KIRREL3: variants seen among roughly 807,000 people sequenced by gnomAD.
KIRREL3 encodes kin of IRRE-like protein 3.
Under a neutral mutation model 89.7 loss-of-function variants are expected in KIRREL3, and 36 were observed. That is an observed-to-expected ratio of 0.40 (90% confidence interval 0.31 to 0.53). KIRREL3 has a LOEUF of 0.53. Ranked by LOEUF, KIRREL3 falls within the 20% of genes least tolerant of loss-of-function variation. The pLI is 0.49. For synonymous variants in KIRREL3, 445 were observed against 441.4 expected (o/e 1.01, Z -0.10); for missense variants, 864 against 1,056.6 (o/e 0.82, Z 2.53).
In KIRREL3 at chr11:126,623,169, C is replaced by A. The variant is rs993422360; in HGVS notation, c.56-60257G>T. Among the ~76,000 whole-genome samples the A allele has an allele frequency of 6.6e-6, 1 of 152,162 alleles. No homozygotes were observed. The highest frequency in any genetic ancestry group is 1.5e-5 in the Non-Finnish European group (1 of 68,036). On this transcript the variant is annotated intron_variant, in intron 1 of 16. Transcript: ENST00000525144. The surrounding 1 kb of genome is among the most constrained non-coding windows in gnomAD (Gnocchi z 4.1). ...TCATCATTTGTCTAAGGTGACAGAG[C>A]CCAAACCCACTAACAGGACAGTTTT...
Position 126,676,755 on chromosome 11 carries a change from C to G in KIRREL3, c.56-113843G>C, listed in dbSNP as rs932938676. ...GCAACATGTGGTGTTGTTTTTACTA[C>G]TGCAACTTTTTATTTTTCTTTAGAG... On this transcript the variant is annotated intron_variant, in intron 1 of 16. Transcript: ENST00000525144. The surrounding 1 kb of genome is among the most constrained non-coding windows in gnomAD (Gnocchi z 4.5). Among the ~76,000 whole-genome samples, 2 of 151,896 alleles carry G rather than the reference C, an allele frequency of 1.3e-5. No homozygotes were observed. The highest frequency in any genetic ancestry group is 4.8e-5 in the African/African-American group (2 of 41,346).
Position 126,978,621 on chromosome 11 carries a change from C to T in KIRREL3, c.55+21834G>A, listed in dbSNP as rs992954363. 6.6e-6 allele frequency among the ~76,000 whole-genome samples: 1 copy of T among 152,102 alleles called. No individual in the cohort carries two copies. The highest frequency in any genetic ancestry group is 2.4e-5 in the African/African-American group (1 of 41,410). ...TGGGTCCCTGAGTGGTCTACGTTCT[C>T]CCATGCTTCCCAGGCTTTAGCACCT... On this transcript the variant is annotated intron_variant, in intron 1 of 16. Transcript: ENST00000525144. This position sits in a 1 kb window ranked among gnomAD's most constrained non-coding sequence, Gnocchi z 4.2.
rs572425886 is a variant in KIRREL3, at chr11:126,428,890, G to A, written c.1806+289C>T. Among the ~76,000 whole-genome samples, 10 of 152,240 alleles carry A rather than the reference G, an allele frequency of 6.6e-5. No individual in the cohort carries two copies. The highest frequency in any genetic ancestry group is 2.2e-4 in the African/African-American group (9 of 41,532). On this transcript the variant is annotated intron_variant, in intron 15 of 16. Transcript: ENST00000525144. The surrounding 1 kb of genome is among the most constrained non-coding windows in gnomAD (Gnocchi z 6.4). ...TCGAACTCCTAATCTCAAGTGATCC[G>A]CCCAACTCGGTCTCCCAAAGTGTTG...
rs1947473359 is a variant in KIRREL3 at position 126,705,074 on chromosome 11, G to A, written c.56-142162C>T. On this transcript the variant is annotated intron_variant, in intron 1 of 16. Coordinates refer to ENST00000525144, the MANE Select transcript of KIRREL3 (RefSeq NM_032531.4). This position sits in a 1 kb window ranked among gnomAD's most constrained non-coding sequence, Gnocchi z 4.3. ...TAGCTTTTTATGGCTCAAGACATAG[G>A]TTTGGTTTTCTTAAAAAAAGGTTTT... Among the ~76,000 whole-genome samples, 1 of 152,108 alleles carries A rather than the reference G, an allele frequency of 6.6e-6. No individual in the cohort carries two copies. Among genetic ancestry groups the A allele is most frequent in the African/African-American group, 2.4e-5 (1 of 41,394 alleles).
rs1490077954 is a variant in KIRREL3 at position 126,977,691 on chromosome 11, G to A, written c.55+22764C>T. ...AAAAGTGAAAATGAGTTAGACTTGA[G>A]CCCAGAGTGACAGAGTCCCTTATTG... is the stretch of plus-strand genomic sequence containing the variant. On this transcript the variant is annotated intron_variant, in intron 1 of 16. Transcript: ENST00000525144. This position sits in a 1 kb window ranked among gnomAD's most constrained non-coding sequence, Gnocchi z 4.7. Among the ~76,000 whole-genome samples, 1 of 152,188 alleles carries A rather than the reference G, an allele frequency of 6.6e-6. No individual in the cohort carries two copies. The highest frequency in any genetic ancestry group is 1.5e-5 in the Non-Finnish European group (1 of 68,038).
chr11:126,510,469 C>CTTCCTTCCTTCCTTCCTTCA (rs1439371645), intron 4 of KIRREL3, among the ~76,000 whole-genome samples: 16 of 117,250 alleles, frequency 1.4e-4, no homozygotes, highest in African/African-American at 4.4e-4. Context: ...TCCTTCCTTC[C>CTTCCTTCCTTCCTTCCTTCA]TTTTTTTTGA....
chr11:126,517,958 C>G (rs1958470589), intron 4 of KIRREL3, among the ~76,000 whole-genome samples: 1 of 152,240 alleles, frequency 6.6e-6, no homozygotes, highest in African/African-American at 2.4e-5. Flanking sequence ...CCTGTCTTGA[C>G]CCTGGGCTGA....
chr11:126,668,098 A>T lies in KIRREL3; in HGVS notation c.56-105186T>A, dbSNP rs1411766547. Among the ~76,000 whole-genome samples, 2 of 152,172 alleles carry T rather than the reference A, an allele frequency of 1.3e-5. No individual in the cohort carries two copies. The highest frequency in any genetic ancestry group is 6.5e-5 in the Admixed American group (1 of 15,282). ...CTTAGTCAGTTTCGGCTATAACAAA[A>T]CACCATAAACTGGGTGGTTTATAAA... On this transcript the variant is annotated intron_variant, in intron 1 of 16. Coordinates refer to ENST00000525144, the MANE Select transcript of KIRREL3 (RefSeq NM_032531.4). The surrounding 1 kb of genome is among the most constrained non-coding windows in gnomAD (Gnocchi z 4.4).
intron 1 of KIRREL3, among the ~76,000 whole-genome samples, chr11:126,767,257 C>T (rs538501384): frequency 1.3e-5 from 2 of 152,288 alleles, no homozygotes; most frequent in South Asian, 2.1e-4. Context: ...CTTGGAAAGG[C>T]GGAGGGTGTT....
chr11:126,616,936 C>G (rs1431196893), intron 1 of KIRREL3, among the ~76,000 whole-genome samples: 1 of 152,378 alleles, frequency 6.6e-6, no homozygotes, highest in South Asian at 2.1e-4. Flanking sequence ...GCCACTTGGC[C>G]TGGCCTCATA....
rs1950779333 is a variant in KIRREL3 at position 126,795,500 on chromosome 11, G to T, written c.55+204955C>A. 6.6e-6 allele frequency among the ~76,000 whole-genome samples: 1 copy of T among 152,122 alleles called. No homozygotes were observed. The highest frequency in any genetic ancestry group is 6.6e-5 in the Admixed American group (1 of 15,266). On this transcript the variant is annotated intron_variant, in intron 1 of 16. Transcript: ENST00000525144. The surrounding 1 kb of genome is among the most constrained non-coding windows in gnomAD (Gnocchi z 4.1). ...TTCTCCTGCCTCAGCCTCCTGAGCA[G>T]CTAGGACTACAGGCGTGTGCCACCA... is the stretch of plus-strand genomic sequence containing the variant.
chr11:126,730,140 A>T (rs561066946), intron 1 of KIRREL3, among the ~76,000 whole-genome samples: 2 of 152,246 alleles, frequency 1.3e-5, no homozygotes, highest in East Asian at 3.9e-4. Context: ...TCCTCAAAGT[A>T]GATTCATCAC....
At chr11:126,616,920 GT>G (rs1420645062) in intron 1 of KIRREL3, among the ~76,000 whole-genome samples, 1 of 152,244 alleles carries the variant, frequency 6.6e-6, no homozygotes, top group African/African-American at 2.4e-5. Flanking sequence ...GGGATTACAG[GT>G]GTGAGCCACT....
chr11:126,756,489 G>T (rs769664699), intron 1 of KIRREL3, among the ~76,000 whole-genome samples: 19 of 152,264 alleles, frequency 1.2e-4, no homozygotes, highest in Non-Finnish European at 2.6e-4. Flanking sequence ...TAGAAGGCAT[G>T]TCTTCTGGAT....
rs1951630668 is a variant in KIRREL3 at position 126,817,970 on chromosome 11, C to G, written c.55+182485G>C. Among the ~76,000 whole-genome samples the G allele has an allele frequency of 6.6e-6, 1 of 152,184 alleles. No individual in the cohort carries two copies. The highest frequency in any genetic ancestry group is 2.4e-5 in the African/African-American group (1 of 41,446). ...AGAGGCTTCAGCAGGAGGAGAGGCTCAAATGAGCCCAAGCTGATTAAGGAA... is the reference window on the plus strand; with the variant it reads ...AGAGGCTTCAGCAGGAGGAGAGGCTGAAATGAGCCCAAGCTGATTAAGGAA... On this transcript the variant is annotated intron_variant, in intron 1 of 16. Transcript: ENST00000525144. The surrounding 1 kb of genome is among the most constrained non-coding windows in gnomAD (Gnocchi z 5.7).
At chr11:126,979,940 A>G (rs1209667220) in intron 1 of KIRREL3, among the ~76,000 whole-genome samples, 1 of 152,198 alleles carries the variant, frequency 6.6e-6, no homozygotes, top group Non-Finnish European at 1.5e-5. Flanking sequence ...AAAAATTTTA[A>G]AACATTAGAG....
rs1940187730 is a variant in KIRREL3, at chr11:126,562,330, G to T, written c.133+505C>A. Reference sequence around the variant, plus strand: ...CCTCTGAGTAAGAGGGAGGGGTAGGGTCAGTGGAGTTGGGAAAGGGGGCAG... The same window carrying T: ...CCTCTGAGTAAGAGGGAGGGGTAGGTTCAGTGGAGTTGGGAAAGGGGGCAG... On this transcript the variant is annotated intron_variant, in intron 2 of 16. Transcript: ENST00000525144. This position sits in a 1 kb window ranked among gnomAD's most constrained non-coding sequence, Gnocchi z 4.7. Among the ~76,000 whole-genome samples the T allele has an allele frequency of 1.3e-5, 2 of 152,138 alleles. No homozygotes were observed. The highest frequency in any genetic ancestry group is 2.9e-5 in the Non-Finnish European group (2 of 68,018).
Position 126,476,774 on chromosome 11 carries a change from A to G in KIRREL3, c.434-3308T>C, listed in dbSNP as rs1414414559. On this transcript the variant is annotated intron_variant, in intron 4 of 16. Coordinates refer to ENST00000525144, the MANE Select transcript of KIRREL3 (RefSeq NM_032531.4). This position sits in a 1 kb window ranked among gnomAD's most constrained non-coding sequence, Gnocchi z 6.4. ...TGTCTGGCGTGGAAGGGGGCTCCTC[A>G]TTACCTCCCCATTCAGACTCGGCCA... Among the ~76,000 whole-genome samples, 2 of 152,068 alleles carry G rather than the reference A, an allele frequency of 1.3e-5. No individual in the cohort carries two copies. Among genetic ancestry groups the G allele is most frequent in the Non-Finnish European group, 2.9e-5 (2 of 68,012 alleles).
Position 126,526,805 on chromosome 11 carries a change from C to T in KIRREL3, c.134-118G>A. ...CAGGAGACTGAGCCTCCTGAAGCAC[C>T]TGGCTTTCCTGCTGAGGGTCTGGTA... is the stretch of plus-strand genomic sequence containing the variant. On this transcript the variant is annotated intron_variant, in intron 2 of 16. Transcript: ENST00000525144. The surrounding 1 kb of genome is among the most constrained non-coding windows in gnomAD (Gnocchi z 5.7). The T allele has an allele frequency of 9.0e-7, 1 of 1,109,974 alleles. No individual in the cohort carries two copies. Among genetic ancestry groups the T allele is most frequent in the Non-Finnish European group, 1.3e-6 (1 of 773,540 alleles). 68.8% of individuals were successfully genotyped at this position (1,109,974 alleles called of 1,614,324 possible).
Sources: gnomAD v4.1 joint callset for allele counts (sites outside exome capture counted in the v4.1 genomes callset) on GRCh38, gnomAD v4.1.1 for gene constraint, Gnocchi (gnomAD v3.1) non-coding constraint, MANE v1.5 for transcripts, NCBI Gene and HGNC (gene_info 2026-07-23, HGNC 2026-07-21) for gene names.